Variants in TMEM132C observed in about 807,000 individuals in gnomAD.
The protein encoded by TMEM132C is protein phosphatase 1, regulatory subunit 152.
A neutral mutation model predicts 61.4 loss-of-function variants in TMEM132C; 29 were observed. That is an observed-to-expected ratio of 0.47 (90% CI 0.35 to 0.64). TMEM132C has a LOEUF of 0.64. Among genes scored for constraint, TMEM132C ranks in the 30% least tolerant of loss-of-function variants. The pLI, the probability that TMEM132C is intolerant of heterozygous loss-of-function variation, is 0.00. For synonymous variants in TMEM132C, 656 were observed against 633.1 expected (o/e 1.04, Z -0.54); for missense variants, 1,408 against 1,476.9 (o/e 0.95, Z 0.76).
At chr12:128,492,629 G>T (rs377758990) in intron 2 of TMEM132C, among the ~76,000 whole-genome samples, 2 of 152,150 alleles carry the variant, frequency 1.3e-5, no homozygotes, top group South Asian at 2.1e-4. Flanking sequence ...TCATGTGTCT[G>T]TTGGCTGCAT....
At chr12:128,611,896 GCGACACCAAAT>G (rs1876646891) in intron 3 of TMEM132C, among the ~76,000 whole-genome samples, 1 of 152,212 alleles carries the variant, frequency 6.6e-6, no homozygotes, top group Non-Finnish European at 1.5e-5. Flanking sequence ...AGCGGAACCA[GCGACACCAAAT>G]CGCCCAGTGA....
At chr12:128,297,641 C>T (rs1053897019) in intron 1 of TMEM132C, among the ~76,000 whole-genome samples, 1 of 152,116 alleles carries the variant, frequency 6.6e-6, no homozygotes, top group East Asian at 1.9e-4. Flanking sequence ...CCCTTCACCC[C>T]CAAATCTTTT....
chr12:128,487,994 A>G (rs1177173335), intron 2 of TMEM132C, among the ~76,000 whole-genome samples: 1 of 152,216 alleles, frequency 6.6e-6, no homozygotes, highest in African/African-American at 2.4e-5. Context: ...GCCACTGACC[A>G]CACACACAGT....
At chr12:128,489,582 T>TATATATATATATATA (rs1565951312) in intron 2 of TMEM132C, among the ~76,000 whole-genome samples, 10 of 149,834 alleles carry the variant, frequency 6.7e-5, no homozygotes, top group South Asian at 4.2e-4. Flanking sequence ...TATATATATA[T>TATATATATATATATA]TCTGTCCACA....
intron 1 of TMEM132C, among the ~76,000 whole-genome samples, chr12:128,372,861 C>T (rs542038984): frequency 3.3e-5 from 5 of 152,016 alleles, no homozygotes; most frequent in South Asian, 2.1e-4. Flanking sequence ...GGAGTTTGTA[C>T]GTTTAAAACC....
intron 2 of TMEM132C, among the ~76,000 whole-genome samples, chr12:128,427,428 G>GTGTGTGTGTATA (rs1359402190): frequency 7.7e-6 from 1 of 129,276 alleles, no homozygotes; most frequent in South Asian, 2.9e-4. Flanking sequence ...GTGTGTGTGT[G>GTGTGTGTGTATA]TATATATATT....
intron 1 of TMEM132C, among the ~76,000 whole-genome samples, chr12:128,375,176 C>A (rs1874156070): frequency 6.6e-6 from 1 of 151,978 alleles, no homozygotes; most frequent in Non-Finnish European, 1.5e-5. Context: ...TGTGGGATGG[C>A]TGGTTGAAAA....
At chr12:128,600,837 G>A (rs186003552) in intron 3 of TMEM132C, among the ~76,000 whole-genome samples, 67 of 152,318 alleles carry the variant, frequency 4.4e-4, no homozygotes, top group African/African-American at 1.5e-3. Flanking sequence ...ATGGATGAAT[G>A]AGTTGGATGC....
chr12:128,696,849 C>A lies in TMEM132C; in HGVS notation c.1930-375C>A, dbSNP rs376418729. ...TGGGAGGAGTGAACTATTTATAATT[C>A]ACTTTTATAAATTTATAATTCAATT... On this transcript the variant is annotated intron_variant, in intron 7 of 8. Coordinates refer to ENST00000435159, the MANE Select transcript of TMEM132C (RefSeq NM_001136103.3). Among the ~76,000 whole-genome samples the A allele has an allele frequency of 5.9e-5, 9 of 152,242 alleles. No homozygotes were observed. In the East Asian group the frequency reaches 1.7e-3, roughly 29 times the overall value.
intron 1 of TMEM132C, among the ~76,000 whole-genome samples, chr12:128,324,405 A>G (rs1046355814): frequency 3.9e-5 from 6 of 152,162 alleles, no homozygotes; most frequent in Non-Finnish European, 7.3e-5. Context: ...TTCTTAATCT[A>G]GTACTTACTT....
intron 5 of TMEM132C, among the ~76,000 whole-genome samples, chr12:128,686,809 A>G (rs1330761175): frequency 6.6e-6 from 1 of 152,226 alleles, no homozygotes; most frequent in Non-Finnish European, 1.5e-5. Flanking sequence ...TAAAGCGAGC[A>G]GGTAAAATCT....
At chr12:128,368,420 T>A (rs1873933260) in intron 1 of TMEM132C, among the ~76,000 whole-genome samples, 1 of 152,214 alleles carries the variant, frequency 6.6e-6, no homozygotes, top group Non-Finnish European at 1.5e-5. Context: ...TTTACCTACT[T>A]AAACTTTCTG....
At chr12:128,705,014 G>T (rs1169089479) in intron 8 of TMEM132C, 76 bp from the exon 9 acceptor site, 3 of 1,432,680 alleles carry the variant, frequency 2.1e-6, no homozygotes, top group Non-Finnish European at 1.8e-6. Flanking sequence ...TGTTTCATTG[G>T]GCGTCCTCCT....
At chr12:128,575,664 A>G (rs942934247) in intron 3 of TMEM132C, among the ~76,000 whole-genome samples, 2 of 152,210 alleles carry the variant, frequency 1.3e-5, no homozygotes, top group African/African-American at 2.4e-5. Context: ...GAGGGCAACA[A>G]TTGCCCCTCC....
At chr12:128,352,696 G>T (rs528409125) in intron 1 of TMEM132C, among the ~76,000 whole-genome samples, 1 of 152,298 alleles carries the variant, frequency 6.6e-6, no homozygotes, top group East Asian at 1.9e-4. Flanking sequence ...CAGGTATATA[G>T]ATTTGATTTG....
intron 3 of TMEM132C, among the ~76,000 whole-genome samples, chr12:128,576,972 A>G (rs895977438): frequency 2.0e-5 from 3 of 152,156 alleles, no homozygotes; most frequent in African/African-American, 7.2e-5. Flanking sequence ...TGTACCATCC[A>G]ATGGTTTTTA....
intron 2 of TMEM132C, among the ~76,000 whole-genome samples, chr12:128,428,000 G>A (rs887096751): frequency 6.6e-6 from 1 of 152,164 alleles, no homozygotes; most frequent in Non-Finnish European, 1.5e-5. Flanking sequence ...GGGACCTGTC[G>A]GTCCCAAGAG....
chr12:128,533,895 C>T (rs1253474052), intron 2 of TMEM132C, among the ~76,000 whole-genome samples: 4 of 152,164 alleles, frequency 2.6e-5, no homozygotes, highest in African/African-American at 7.2e-5. Flanking sequence ...CCCGCCCTCC[C>T]ATCCGTGCAC....
chr12:128,557,166 A>G (rs879318434), intron 3 of TMEM132C, among the ~76,000 whole-genome samples: 3 of 152,148 alleles, frequency 2.0e-5, no homozygotes, highest in Non-Finnish European at 4.4e-5. Context: ...TTGTCATCTT[A>G]CACCAAGGGA....
Sources: allele counts gnomAD v4.1 joint callset (sites outside exome capture counted in the v4.1 genomes callset), GRCh38; gene constraint gnomAD v4.1.1; transcripts MANE v1.5; gene names NCBI Gene and HGNC (gene_info 2026-07-23, HGNC 2026-07-21).